The following MAGI2 variants were observed in gnomAD, a reference collection of about 807,000 sequenced individuals.
MAGI2 encodes membrane-associated guanylate kinase, WW and PDZ domain-containing protein 2.
Under a neutral mutation model 133.3 loss-of-function variants are expected in MAGI2, and 35 were observed. That is an observed-to-expected ratio of 0.26 (90% CI 0.20 to 0.35). MAGI2 has a LOEUF of 0.35. Ranked by LOEUF, MAGI2 falls within the 10% of genes least tolerant of loss-of-function variation. The probability of loss-of-function intolerance (pLI) is 1.00; values close to 1 mark genes in which losing one functional copy is unlikely to be tolerated. For synonymous variants in MAGI2, 729 were observed against 710.6 expected (o/e 1.03, Z -0.41); for missense variants, 1,636 against 1,863.4 (o/e 0.88, Z 2.25).
chr7:79,429,604 C>T (rs1847637200), intron 1 of MAGI2, among the ~76,000 whole-genome samples: 1 of 152,084 alleles, frequency 6.6e-6, no homozygotes, highest in Admixed American at 6.6e-5. Context: ...CGCATCCAGC[C>T]AATTCTATTA....
intron 2 of MAGI2, among the ~76,000 whole-genome samples, chr7:79,005,745 C>T (rs1247494563): frequency 3.3e-5 from 5 of 152,142 alleles, no homozygotes; most frequent in Non-Finnish European, 5.9e-5. Flanking sequence ...TGCGTCCACC[C>T]GTTACCTTAT....
intron 10 of MAGI2, among the ~76,000 whole-genome samples, chr7:78,205,018 A>G (rs1393625589): frequency 1.3e-5 from 2 of 152,276 alleles, no homozygotes; most frequent in Non-Finnish European, 2.9e-5. Context: ...AGAAACAGAC[A>G]CACATTGCAA....
chr7:79,001,408 A>T (rs1806845121), intron 2 of MAGI2, among the ~76,000 whole-genome samples: 1 of 152,174 alleles, frequency 6.6e-6, no homozygotes, highest in South Asian at 2.1e-4. Flanking sequence ...TCATTTTGAA[A>T]CTTTTAAAAT....
At chr7:78,456,038 A>G (rs186083401) in intron 6 of MAGI2, among the ~76,000 whole-genome samples, 5 of 151,632 alleles carry the variant, frequency 3.3e-5, no homozygotes, top group Admixed American at 2.0e-4. Context: ...AGATGCACCT[A>G]GTCAACTTGT....
intron 5 of MAGI2, 126 bp downstream of exon 5, chr7:78,501,451 A>G: frequency 1.2e-6 from 1 of 805,002 alleles, no homozygotes. Context: ...TCTCACAAAT[A>G]AAAAAGCTGT....
intron 2 of MAGI2, among the ~76,000 whole-genome samples, chr7:78,761,299 C>G (rs1353791430): frequency 6.6e-6 from 1 of 152,122 alleles, no homozygotes; most frequent in Non-Finnish European, 1.5e-5. Context: ...CATAGCTTGA[C>G]AAAAGAAATA....
At chr7:79,270,074 C>A (rs537343766) in intron 1 of MAGI2, among the ~76,000 whole-genome samples, 15 of 152,210 alleles carry the variant, frequency 9.9e-5, no homozygotes, top group African/African-American at 3.1e-4. Flanking sequence ...CCACCTGGGC[C>A]TATGACGCAT....
intron 14 of MAGI2, among the ~76,000 whole-genome samples, chr7:78,171,901 G>GT (rs11294809): frequency 8.6e-5 from 13 of 151,126 alleles, no homozygotes; most frequent in African/African-American, 1.2e-4. Context: ...TTGTTTGTTT[G>GT]TTTTTTTTTC....
At chr7:78,440,666 G>C (rs12705440) in intron 6 of MAGI2, among the ~76,000 whole-genome samples, 328 of 152,266 alleles carry the variant, frequency 2.2e-3, no homozygotes, top group Non-Finnish European at 4.1e-3. Flanking sequence ...AAGTACCTGA[G>C]AGAGGATGGG....
intron 1 of MAGI2, among the ~76,000 whole-genome samples, chr7:79,223,353 A>C (rs764791502): frequency 6.6e-5 from 10 of 152,128 alleles, no homozygotes; most frequent in South Asian, 2.1e-4. Context: ...CGTCAAGCCT[A>C]ATTTTTAATT....
intron 1 of MAGI2, among the ~76,000 whole-genome samples, chr7:79,082,380 T>G (rs1466616270): frequency 6.6e-6 from 1 of 152,076 alleles, no homozygotes; most frequent in African/African-American, 2.4e-5. Flanking sequence ...ATGATACATT[T>G]TTAGTTTATA....
intron 1 of MAGI2, among the ~76,000 whole-genome samples, chr7:79,276,519 T>G (rs1835239068): frequency 6.6e-6 from 1 of 152,166 alleles, no homozygotes; most frequent in Admixed American, 6.5e-5. Flanking sequence ...ATGCATACAT[T>G]GTGTGAACAA....
At chr7:78,584,222 C>T (rs1000433626) in intron 3 of MAGI2, among the ~76,000 whole-genome samples, 24 of 152,094 alleles carry the variant, frequency 1.6e-4, no homozygotes, top group Admixed American at 1.3e-3. Context: ...GAGTTCGAGA[C>T]CAGCCTGGTC....
chr7:78,640,735 A>T (rs1018650306), intron 2 of MAGI2, among the ~76,000 whole-genome samples: 13 of 152,210 alleles, frequency 8.5e-5, no homozygotes, highest in African/African-American at 3.1e-4. Context: ...TGACTTTCAG[A>T]CCCAAAGTAT....
intron 2 of MAGI2, among the ~76,000 whole-genome samples, chr7:78,730,557 A>G (rs1286386549): frequency 6.6e-6 from 1 of 152,164 alleles, no homozygotes; most frequent in Non-Finnish European, 1.5e-5. Context: ...GGTGACTTTT[A>G]ATATGCAGAA....
chr7:79,256,339 C>T (rs1398190747), intron 1 of MAGI2, among the ~76,000 whole-genome samples: 1 of 152,124 alleles, frequency 6.6e-6, no homozygotes. Flanking sequence ...ATGGCTGTTC[C>T]TTATCATGAA....
chr7:78,766,638 C>T (rs1825054420), intron 2 of MAGI2, among the ~76,000 whole-genome samples: 1 of 152,194 alleles, frequency 6.6e-6, no homozygotes, highest in African/African-American at 2.4e-5. Flanking sequence ...AAGAGAAAAA[C>T]AACTATTCTA....
chr7:78,813,886 T>C (rs1038269268), intron 2 of MAGI2, among the ~76,000 whole-genome samples: 3 of 150,766 alleles, frequency 2.0e-5, no homozygotes, highest in Non-Finnish European at 4.4e-5. Context: ...AATAAAAACA[T>C]GCGTACAACA....
chr7:78,286,799 A>G (rs1562756105), intron 9 of MAGI2, among the ~76,000 whole-genome samples: 1 of 152,200 alleles, frequency 6.6e-6, no homozygotes, highest in Non-Finnish European at 1.5e-5. Flanking sequence ...GAGAGAAATA[A>G]AATCAGGAAC....
Sources: allele counts gnomAD v4.1 joint callset (sites outside exome capture counted in the v4.1 genomes callset), GRCh38; gene constraint gnomAD v4.1.1; transcripts MANE v1.5; gene names NCBI Gene and HGNC (gene_info 2026-07-23, HGNC 2026-07-21).